SAMD5: variants seen among roughly 807,000 people sequenced by gnomAD.
SAMD5 encodes sterile alpha motif domain-containing protein 5.
Under a neutral mutation model 11.3 loss-of-function variants are expected in SAMD5, and 13 were observed. That is an observed-to-expected ratio of 1.15 (90% CI 0.75 to 1.83). The LOEUF is 1.83. Among genes scored for constraint, SAMD5 ranks in the 40% most tolerant of loss-of-function variants. The probability of loss-of-function intolerance (pLI) is 0.00; values close to 1 mark genes in which losing one functional copy is unlikely to be tolerated. For missense variants in SAMD5, 255 were observed against 239.1 expected, an observed-to-expected ratio of 1.07 and a Z score of -0.44; for synonymous variants, 129 against 111.3, an observed-to-expected ratio of 1.16 and a Z score of -1.00.
intron 1 of SAMD5, among the ~76,000 whole-genome samples, chr6:147,726,470 C>T (rs1791628098): frequency 6.6e-6 from 1 of 152,200 alleles, no homozygotes; most frequent in Non-Finnish European, 1.5e-5. Context: ...AAGTCATGCT[C>T]CATTTCAGAT....
the SAMD5 span, among the ~76,000 whole-genome samples, chr6:147,848,427 G>T: frequency 3.3e-5 from 5 of 152,138 alleles, no homozygotes; most frequent in Non-Finnish European, 5.9e-5. Context: ...TGGATTACAC[G>T]CCGGACACTG....
the SAMD5 span, among the ~76,000 whole-genome samples, chr6:147,856,821 C>CG: frequency 0.032 from 1,897 of 58,876 alleles, 35 homozygotes; most frequent in Non-Finnish European, 0.049. Context: ...TCTGGGGGCG[C>CG]GGGGGGGGGG....
intron 1 of SAMD5, among the ~76,000 whole-genome samples, chr6:147,524,820 A>G (rs1372402084): frequency 6.6e-6 from 1 of 152,148 alleles, no homozygotes; most frequent in Non-Finnish European, 1.5e-5. Flanking sequence ...AACAGTAGTG[A>G]GTTTATATTT....
intron 1 of SAMD5, among the ~76,000 whole-genome samples, chr6:147,597,830 G>A (rs1307286775): frequency 6.6e-6 from 1 of 152,134 alleles, no homozygotes; most frequent in East Asian, 1.9e-4. Context: ...TCACGATCCA[G>A]TAGCTTACAG....
At chr6:147,819,147 T>A in the SAMD5 span, among the ~76,000 whole-genome samples, 2 of 152,154 alleles carry the variant, frequency 1.3e-5, no homozygotes, top group Admixed American at 1.3e-4. Context: ...CTATGCAGCC[T>A]TAAAAAGGAA....
the SAMD5 span, among the ~76,000 whole-genome samples, chr6:147,892,910 A>G: frequency 6.6e-6 from 1 of 152,166 alleles, no homozygotes; most frequent in Non-Finnish European, 1.5e-5. Context: ...AAAAACTAAC[A>G]TTTTAAAAGT....
chr6:147,538,722 A>G (rs1451213677), intron 1 of SAMD5, among the ~76,000 whole-genome samples: 2 of 152,246 alleles, frequency 1.3e-5, no homozygotes, highest in Non-Finnish European at 2.9e-5. Flanking sequence ...TTGACCTTAA[A>G]GCATTTAGCA....
chr6:147,845,066 T>C, the SAMD5 span, among the ~76,000 whole-genome samples: 1 of 152,206 alleles, frequency 6.6e-6, no homozygotes, highest in Non-Finnish European at 1.5e-5. Context: ...TTATTCCGCA[T>C]TGTATACACG....
chr6:147,902,140 GA>G, the SAMD5 span, among the ~76,000 whole-genome samples: 19,828 of 151,416 alleles, frequency 0.13, 1,580 homozygotes, highest in East Asian at 0.31. Flanking sequence ...AATCAAGGGG[GA>G]AAAAAAAGCA....
chr6:147,764,704 C>T, the SAMD5 span, among the ~76,000 whole-genome samples: 2 of 152,148 alleles, frequency 1.3e-5, no homozygotes, highest in South Asian at 2.1e-4. Context: ...TCTCTTACAC[C>T]CATTTTTCTT....
At chr6:147,815,402 TA>T in the SAMD5 span, among the ~76,000 whole-genome samples, 5 of 152,156 alleles carry the variant, frequency 3.3e-5, no homozygotes, top group Non-Finnish European at 5.9e-5. Context: ...CAGAAAGGCA[TA>T]AAACCCCATC....
intron 1 of SAMD5, among the ~76,000 whole-genome samples, chr6:147,673,167 C>T (rs1405408003): frequency 6.6e-6 from 1 of 152,016 alleles, no homozygotes; most frequent in East Asian, 1.9e-4. Flanking sequence ...TAGAAATAAA[C>T]ATTTAAATGT....
chr6:147,719,659 C>A lies in SAMD5; in HGVS notation c.163-17658C>A, dbSNP rs146466822. On this transcript the variant is annotated intron_variant, in intron 1 of 1. Coordinates refer to the SAMD5 transcript ENST00000566741. ...ATTTCATACAATATCCACTATGGTA[C>A]GTCTCATTAGAGGTACAAATATACT... is the stretch of plus-strand genomic sequence containing the variant. Among the ~76,000 whole-genome samples, 77 of 152,226 alleles carry A rather than the reference C, an allele frequency of 5.1e-4. No homozygotes were observed. The East Asian group carries it at 9.5e-3, about 19-fold the overall frequency.
intron 1 of SAMD5, among the ~76,000 whole-genome samples, chr6:147,700,463 C>A (rs1394405924): frequency 3.3e-5 from 5 of 152,108 alleles, no homozygotes; most frequent in Non-Finnish European, 1.5e-5. Flanking sequence ...AGGATTTTTT[C>A]CCCCCAGATA....
intron 1 of SAMD5, among the ~76,000 whole-genome samples, chr6:147,642,898 T>C (rs987985098): frequency 2.6e-5 from 4 of 152,190 alleles, no homozygotes; most frequent in African/African-American, 9.6e-5. Flanking sequence ...CAGTCGTTAG[T>C]TGGCTGCCAT....
At chr6:147,772,878 AC>A in the SAMD5 span, among the ~76,000 whole-genome samples, 1 of 152,158 alleles carries the variant, frequency 6.6e-6, no homozygotes, top group South Asian at 2.1e-4. Flanking sequence ...ATGGCCCATA[AC>A]AGTGTCGAAG....
At chr6:147,896,764 C>CAACAAACAAACAAAAAAAAT in the SAMD5 span, among the ~76,000 whole-genome samples, 2 of 69,338 alleles carry the variant, frequency 2.9e-5, no homozygotes, top group South Asian at 1.0e-3. Context: ...AAAAAAAAAA[C>CAACAAACAAACAAAAAAAAT]GCATCACCAG....
chr6:147,928,217 A>G, the SAMD5 span, among the ~76,000 whole-genome samples: 1 of 152,026 alleles, frequency 6.6e-6, no homozygotes, highest in African/African-American at 2.4e-5. Context: ...GTTTTGGGAA[A>G]TAGTTTCAGT....
intron 1 of SAMD5, chr6:147,737,313 C>G (rs1791818866): frequency 8.2e-7 from 1 of 1,221,032 alleles, no homozygotes; most frequent in Non-Finnish European, 1.1e-6. Flanking sequence ...TTTTTATGCT[C>G]CAGGTATTAT....
Sources: allele counts gnomAD v4.1 joint callset (sites outside exome capture counted in the v4.1 genomes callset), GRCh38; gene constraint gnomAD v4.1.1; transcripts MANE v1.5; gene names NCBI Gene and HGNC (gene_info 2026-07-23, HGNC 2026-07-21).